The following EVA1A variants were observed in gnomAD, a reference collection of about 807,000 sequenced individuals.
The protein encoded by EVA1A is protein eva-1 homolog A.
A neutral mutation model predicts 9.8 loss-of-function variants in EVA1A; 7 were observed. That is an observed-to-expected ratio of 0.71 (90% confidence interval 0.41 to 1.34). The LOEUF (loss-of-function observed/expected upper bound fraction) is 1.34. EVA1A is among the 40% of genes most tolerant of loss of function. The pLI is 0.01. For synonymous variants in EVA1A, 90 were observed against 85.6 expected (o/e 1.05, Z -0.28); for missense variants, 206 against 205.9 (o/e 1.00, Z 0.00).
chr2:75,519,678 C>G lies in EVA1A; in HGVS notation c.-68-1470G>C. Among the ~76,000 whole-genome samples the G allele has an allele frequency of 1.3e-5, 2 of 152,246 alleles. 1 individual carries two copies. Among genetic ancestry groups the G allele is most frequent in the South Asian group, 4.1e-4 (2 of 4,822 alleles). On this transcript the variant is annotated intron_variant, in intron 2 of 3. Coordinates refer to ENST00000393913, the MANE Select transcript of EVA1A (RefSeq NM_001135032.2). ...TAAAAGGTGGCAACTGGATGATACA[C>G]GTGAATGGTGAGAGCCATCAAACTG...
chr2:75,556,295 C>G (rs1676710273), intron 1 of EVA1A, among the ~76,000 whole-genome samples: 1 of 152,152 alleles, frequency 6.6e-6, no homozygotes, highest in Non-Finnish European at 1.5e-5. Flanking sequence ...GTGTATCTCC[C>G]TAGAACTAGA....
At chr2:75,514,318 A>G (rs1183061415) in intron 3 of EVA1A, among the ~76,000 whole-genome samples, 1 of 152,202 alleles carries the variant, frequency 6.6e-6, no homozygotes, top group Non-Finnish European at 1.5e-5. Flanking sequence ...TAAAAGAAAG[A>G]GCATATTTAA....
intron 3 of EVA1A, among the ~76,000 whole-genome samples, chr2:75,505,325 C>A (rs762508105): frequency 6.6e-6 from 1 of 152,148 alleles, no homozygotes; most frequent in African/African-American, 2.4e-5. Context: ...ATCTTTCCCA[C>A]GTGACAGTGA....
At chr2:75,555,493 G>C (rs549608103) in intron 1 of EVA1A, among the ~76,000 whole-genome samples, 133 of 152,168 alleles carry the variant, frequency 8.7e-4, no homozygotes, top group African/African-American at 3.1e-3. Context: ...CTAGGACTTT[G>C]AAAAGAAAAC....
intron 1 of EVA1A, among the ~76,000 whole-genome samples, chr2:75,557,450 A>G (rs1676755501): frequency 6.6e-6 from 1 of 152,230 alleles, no homozygotes; most frequent in Admixed American, 6.5e-5. Flanking sequence ...GAGCCTTACA[A>G]TACATGGAGA....
chr2:75,547,077 C>A (rs1350669780), intron 1 of EVA1A, among the ~76,000 whole-genome samples: 1 of 152,178 alleles, frequency 6.6e-6, no homozygotes, highest in East Asian at 1.9e-4. Context: ...CTAAGCCACC[C>A]AATTTGTGAT....
rs56141706 is a variant in EVA1A, at chr2:75,510,500, G to A, written c.85+7556C>T. On this transcript the variant is annotated intron_variant, in intron 3 of 3. Transcript: ENST00000393913. ...ACTATCATCAATTAAGTTGTGGGGG[G>A]TGAGGCTCCCTCACTGTTGAGAGAC... Among the ~76,000 whole-genome samples the A allele has an allele frequency of 5.2e-3, 793 of 152,270 alleles. 5 individuals are homozygous for A. Among genetic ancestry groups the A allele is most frequent in the African/African-American group, 0.018 (739 of 41,550 alleles).
chr2:75,547,287 A>G (rs1271541335), intron 1 of EVA1A, among the ~76,000 whole-genome samples: 5 of 152,218 alleles, frequency 3.3e-5, no homozygotes. Flanking sequence ...CCGGGTGAGG[A>G]GAAAAGATTC....
At chr2:75,494,202 A>G (rs942526221) in intron 3 of EVA1A, among the ~76,000 whole-genome samples, 1 of 152,178 alleles carries the variant, frequency 6.6e-6, no homozygotes, top group African/African-American at 2.4e-5. Context: ...TCAAACAAAC[A>G]TGTAGATCGA....
At chr2:75,533,262 T>C (rs938471966) in intron 1 of EVA1A, among the ~76,000 whole-genome samples, 1 of 151,044 alleles carries the variant, frequency 6.6e-6, no homozygotes, top group Non-Finnish European at 1.5e-5. Flanking sequence ...GAAAAAACAA[T>C]TCAGAACACA....
intron 1 of EVA1A, among the ~76,000 whole-genome samples, chr2:75,568,078 G>A (rs1298830448): frequency 6.6e-6 from 1 of 152,152 alleles, no homozygotes; most frequent in Non-Finnish European, 1.5e-5. Context: ...GGGCAACAGA[G>A]CTTCCTATGA....
At chr2:75,549,944 AG>A (rs759269224) in intron 1 of EVA1A, among the ~76,000 whole-genome samples, 1 of 152,224 alleles carries the variant, frequency 6.6e-6, no homozygotes, top group Non-Finnish European at 1.5e-5. Context: ...CAGGGATGTC[AG>A]CATCATGAAC....
At chr2:75,518,710 T>C (rs1459652726) in intron 2 of EVA1A, 1 of 986,978 alleles carries the variant, frequency 1.0e-6, no homozygotes, top group East Asian at 1.1e-4. Context: ...GTTCAAATCA[T>C]CGTCACATTC....
rs752950193 is a variant in EVA1A at position 75,493,209 on chromosome 2, C to T, written c.*27G>A. ...GACGCTCTCCTTTCCAGGCGGCCTC[C>T]AGTGGTTTCCGGGGTCCTGCTGCTC... On this transcript the variant is annotated 3_prime_UTR_variant, in exon 4 of 4. Coordinates refer to ENST00000393913, the MANE Select transcript of EVA1A (RefSeq NM_001135032.2). The T allele has an allele frequency of 2.5e-6, 4 of 1,585,490 alleles. No homozygotes were observed. In the South Asian group the frequency reaches 3.5e-5, roughly 14 times the overall value.
intron 1 of EVA1A, among the ~76,000 whole-genome samples, chr2:75,568,419 C>T (rs1354328817): frequency 2.0e-5 from 3 of 149,926 alleles, no homozygotes; most frequent in Non-Finnish European, 4.4e-5. Context: ...TTAAATAAAC[C>T]TTCAAGATTC....
intron 1 of EVA1A, among the ~76,000 whole-genome samples, chr2:75,536,887 G>C (rs1196823310): frequency 6.6e-6 from 1 of 152,054 alleles, no homozygotes; most frequent in Non-Finnish European, 1.5e-5. Context: ...GTTTAAAGAA[G>C]AATTAGCACC....
At position 75,492,426 on chromosome 2, in the gene EVA1A, A is replaced by AC. The variant is rs1674066355; in HGVS notation, c.*809_*810insG. ...GAAATCCAATTAAAAAAAAAAAAAA[A>AC]AACAAAGTGTTTAAAATCACAATTA... On this transcript the variant is annotated 3_prime_UTR_variant, in exon 4 of 4. Coordinates refer to ENST00000393913, the MANE Select transcript of EVA1A (RefSeq NM_001135032.2). 6.6e-6 allele frequency: 1 copy of AC among 150,938 alleles called. No homozygotes were observed. Among genetic ancestry groups the AC allele is most frequent in the Non-Finnish European group, 1.5e-5 (1 of 67,172 alleles). 9.3% of individuals were successfully genotyped at this position (150,938 alleles called of 1,614,324 possible).
chr2:75,542,836 G>A (rs1676181266), intron 1 of EVA1A: 1 of 152,162 alleles, frequency 6.6e-6, no homozygotes, highest in Non-Finnish European at 1.5e-5. Flanking sequence ...CAAAGTTTGG[G>A]GGAATAATTT....
Position 75,493,147 on chromosome 2 carries a change from G to A in EVA1A, c.*89C>T, listed in dbSNP as rs1016679400. 12 of 1,491,930 alleles carry A rather than the reference G, an allele frequency of 8.0e-6. No individual in the cohort carries two copies. In the African/African-American group the frequency reaches 1.7e-4, roughly 21 times the overall value. The allele number at this position is 1,491,930 out of a possible 1,614,324, so 92.4% of individuals were successfully genotyped here. A position where few individuals can be genotyped will look rare whatever the true frequency, so the allele number is the denominator to read the frequency against. Reference sequence around the variant, plus strand: ...TTTCTCTGAAATCACAATATTAGCAGAGCTGGGTTCAGTTCCTTGTGCCCA... The same window carrying A: ...TTTCTCTGAAATCACAATATTAGCAAAGCTGGGTTCAGTTCCTTGTGCCCA... On this transcript the variant is annotated 3_prime_UTR_variant, in exon 4 of 4. Coordinates refer to ENST00000393913, the MANE Select transcript of EVA1A (RefSeq NM_001135032.2).
Sources: gnomAD v4.1 joint callset for allele counts (sites outside exome capture counted in the v4.1 genomes callset) on GRCh38, gnomAD v4.1.1 for gene constraint, MANE v1.5 for transcripts, NCBI Gene and HGNC (gene_info 2026-07-23, HGNC 2026-07-21) for gene names.